The following PRKCA variants were observed in gnomAD, a reference collection of about 807,000 sequenced individuals.
The protein encoded by PRKCA is protein kinase C alpha type.
Under a neutral mutation model 87.0 loss-of-function variants are expected in PRKCA, and 27 were observed. That is an observed-to-expected ratio of 0.31 (90% confidence interval 0.23 to 0.43). PRKCA has a LOEUF of 0.43. Among genes scored for constraint, PRKCA ranks in the 20% least tolerant of loss-of-function variants. PRKCA has a pLI of 1.00. For synonymous variants in PRKCA, 329 were observed against 311.1 expected, an observed-to-expected ratio of 1.06 and a Z score of -0.61; for missense variants, 518 against 852.3, an observed-to-expected ratio of 0.61 and a Z score of 4.88.
chr17:66,586,550 C>A (rs1180783248), intron 3 of PRKCA, among the ~76,000 whole-genome samples: 2 of 152,132 alleles, frequency 1.3e-5, no homozygotes, highest in Non-Finnish European at 2.9e-5. Flanking sequence ...AGTAATTGGT[C>A]CCTTTAGGAG....
At chr17:66,471,025 T>A (rs1915303038) in intron 2 of PRKCA, among the ~76,000 whole-genome samples, 1 of 152,088 alleles carries the variant, frequency 6.6e-6, no homozygotes, top group Admixed American at 6.5e-5. Flanking sequence ...TTTAGTTTTT[T>A]TTTTAATTGT....
intron 2 of PRKCA, among the ~76,000 whole-genome samples, chr17:66,374,977 C>T (rs1909339391): frequency 6.6e-6 from 1 of 152,046 alleles, no homozygotes; most frequent in Non-Finnish European, 1.5e-5. Context: ...AAGAAATCTG[C>T]CCGCCTTGGC....
chr17:66,461,228 A>G (rs973841356), intron 2 of PRKCA, among the ~76,000 whole-genome samples: 6 of 151,792 alleles, frequency 4.0e-5, no homozygotes, highest in Non-Finnish European at 7.4e-5. Context: ...AAAAAAGAAA[A>G]GAAAATCACA....
At chr17:66,621,143 T>G (rs1298738692) in intron 3 of PRKCA, among the ~76,000 whole-genome samples, 1 of 152,212 alleles carries the variant, frequency 6.6e-6, no homozygotes, top group African/African-American at 2.4e-5. Flanking sequence ...AGGCTCTTTT[T>G]TGTTCTCAAG....
Position 66,653,791 on chromosome 17 carries a change from T to TAAAAAAAAAA in PRKCA, c.529+8289_529+8298dup, listed in dbSNP as rs550316151. ...CTATTTCCTGCAAGTTTCCAGCTCT[T>TAAAAAAAAAA]AAAAAAAAAAAAAAAAAACAAAACC... is the stretch of plus-strand genomic sequence containing the variant. On this transcript the variant is annotated intron_variant, in intron 5 of 16. Transcript: ENST00000413366. 2.9e-5 allele frequency among the ~76,000 whole-genome samples: 3 copies of TAAAAAAAAAA among 102,524 alleles called. 1 individual carries two copies. Among genetic ancestry groups the TAAAAAAAAAA allele is most frequent in the Admixed American group, 1.1e-4 (1 of 8,854 alleles). The allele number at this position is 102,524 out of a possible 152,430, so 67.3% of individuals were successfully genotyped here. A position where few individuals can be genotyped will look rare whatever the true frequency, so the allele number is the denominator to read the frequency against.
chr17:66,775,860 C>G, intron 14 of PRKCA: 1 of 715,896 alleles, frequency 1.4e-6, no homozygotes, highest in South Asian at 6.3e-5. Context: ...GGAGGAGAGA[C>G]AGCAGACAGG....
intron 2 of PRKCA, among the ~76,000 whole-genome samples, chr17:66,356,380 A>G (rs887923369): frequency 4.6e-5 from 7 of 152,170 alleles, no homozygotes; most frequent in African/African-American, 1.7e-4. Context: ...TCACGCCTGT[A>G]ATCCCAGCAC....
At chr17:66,372,397 A>C (rs544978508) in intron 2 of PRKCA, among the ~76,000 whole-genome samples, 1 of 152,332 alleles carries the variant, frequency 6.6e-6, no homozygotes, top group African/African-American at 2.4e-5. Flanking sequence ...TTTTGATTTC[A>C]TAGGTAATTG....
intron 2 of PRKCA, among the ~76,000 whole-genome samples, chr17:66,323,571 A>G (rs541805578): frequency 1.3e-5 from 2 of 152,350 alleles, no homozygotes; most frequent in Non-Finnish European, 2.9e-5. Context: ...TTGGACCTCT[A>G]TGCAGATTGA....
At chr17:66,477,005 A>G (rs933196386) in intron 2 of PRKCA, among the ~76,000 whole-genome samples, 1 of 152,152 alleles carries the variant, frequency 6.6e-6, no homozygotes, top group Non-Finnish European at 1.5e-5. Flanking sequence ...GTTGAGAATG[A>G]GAGCTTCACA....
At chr17:66,592,679 GT>G (rs1399633195) in intron 3 of PRKCA, among the ~76,000 whole-genome samples, 6 of 152,302 alleles carry the variant, frequency 3.9e-5, no homozygotes, top group Admixed American at 3.9e-4. Flanking sequence ...TCAGTGAGTT[GT>G]TTAAACTGAC....
At chr17:66,469,563 G>A (rs1230383973) in intron 2 of PRKCA, among the ~76,000 whole-genome samples, 1 of 152,072 alleles carries the variant, frequency 6.6e-6, no homozygotes, top group Non-Finnish European at 1.5e-5. Context: ...AATTTTTGTG[G>A]GTTTATAATT....
chr17:66,790,199 C>T (rs1975496457), intron 16 of PRKCA, among the ~76,000 whole-genome samples: 1 of 152,260 alleles, frequency 6.6e-6, no homozygotes, highest in Non-Finnish European at 1.5e-5. Flanking sequence ...ACTTCCTCAC[C>T]ATGTGTGCCT....
intron 8 of PRKCA, among the ~76,000 whole-genome samples, chr17:66,693,571 G>A (rs1972836406): frequency 6.6e-6 from 1 of 152,100 alleles, no homozygotes; most frequent in Admixed American, 6.5e-5. Flanking sequence ...GAGGACAACT[G>A]AGATTCCTGT....
At chr17:66,704,645 T>C (rs1251915233) in intron 8 of PRKCA, among the ~76,000 whole-genome samples, 4 of 152,250 alleles carry the variant, frequency 2.6e-5, no homozygotes, top group Non-Finnish European at 4.4e-5. Flanking sequence ...GTGAGGATTA[T>C]AAGTCCAGAT....
chr17:66,681,711 C>T (rs1207421183), intron 5 of PRKCA, among the ~76,000 whole-genome samples: 1 of 152,138 alleles, frequency 6.6e-6, no homozygotes, highest in Non-Finnish European at 1.5e-5. Context: ...GAGATTTGGC[C>T]CTAGCTGCCC....
chr17:66,787,835 G>A (rs956559648), intron 15 of PRKCA, among the ~76,000 whole-genome samples: 1 of 152,132 alleles, frequency 6.6e-6, no homozygotes, highest in Non-Finnish European at 1.5e-5. Flanking sequence ...ACTCAATATT[G>A]TGATTGAGGA....
intron 2 of PRKCA, among the ~76,000 whole-genome samples, chr17:66,410,340 TCA>T (rs1183292343): frequency 6.6e-6 from 1 of 152,154 alleles, no homozygotes; most frequent in Non-Finnish European, 1.5e-5. Context: ...ATGAATGAAC[TCA>T]CAAATGGAAA....
chr17:66,608,130 G>T (rs964296245), intron 3 of PRKCA, among the ~76,000 whole-genome samples: 1 of 151,580 alleles, frequency 6.6e-6, no homozygotes, highest in African/African-American at 2.4e-5. Flanking sequence ...GAAGCACACC[G>T]ATTGGAGCAC....
Sources: gnomAD v4.1 joint callset for allele counts (sites outside exome capture counted in the v4.1 genomes callset) on GRCh38, gnomAD v4.1.1 for gene constraint, MANE v1.5 for transcripts, NCBI Gene and HGNC (gene_info 2026-07-23, HGNC 2026-07-21) for gene names.